Variants in USP34 observed in about 807,000 individuals in gnomAD.
USP34 encodes the protein ubiquitin specific peptidase 34.
In USP34, 70 loss-of-function variants were observed where a neutral mutation model predicts 460.3. The observed-to-expected ratio is 0.15, with a 90% CI of 0.13 to 0.19. The LOEUF (loss-of-function observed/expected upper bound fraction) is 0.19. Ranked by LOEUF, USP34 falls within the 10% of genes least tolerant of loss-of-function variation. The pLI, the probability that USP34 is intolerant of heterozygous loss-of-function variation, is 1.00. For missense variants in USP34, 3,985 were observed against 4,236.2 expected (o/e 0.94, Z 1.65); for synonymous variants, 1,647 against 1,405.3 (o/e 1.17, Z -3.85).
chr2:61,446,020 G>C (rs1291274561), intron 1 of USP34, among the ~76,000 whole-genome samples: 1 of 150,370 alleles, frequency 6.7e-6, no homozygotes, highest in Non-Finnish European at 1.5e-5. Flanking sequence ...GGCTGAGGCA[G>C]GAGAATCACC....
intron 1 of USP34, among the ~76,000 whole-genome samples, chr2:61,430,298 G>A (rs1479785298): frequency 6.6e-6 from 1 of 151,748 alleles, no homozygotes; most frequent in African/African-American, 2.4e-5. Context: ...CAGCTACTCA[G>A]TAGGCTGAGG....
chr2:61,259,674 C>G (rs368135754), intron 44 of USP34, 37 bp downstream of exon 44: 108 of 1,594,886 alleles, frequency 6.8e-5, no homozygotes, highest in Non-Finnish European at 9.1e-5. Context: ...GCATGAGCCA[C>G]AGTGCCTGGC....
rs1415473895 is a variant in USP34, at chr2:61,395,201, C to T, written c.585G>A (p.Gly195=). The T allele has an allele frequency of 6.7e-7, 1 of 1,503,146 alleles. No individual in the cohort carries two copies. The highest frequency in any genetic ancestry group is 1.4e-5 in the African/African-American group (1 of 70,564). 93.1% of individuals were successfully genotyped at this position (1,503,146 alleles called of 1,614,324 possible). Residue 195 remains glycine (G), a synonymous_variant, in exon 4 of 80, where the codon GGG becomes GGA. Transcript: ENST00000398571. ...DISTQESNIL[G]AFCDMNDVEV... ...CACTTACATTCATATCACAGAATGC[C>T]CCTAATATGTTACTTTCTTGAGTTG...
At chr2:61,202,508 A>G (rs1274983568) in intron 75 of USP34, among the ~76,000 whole-genome samples, 1 of 152,150 alleles carries the variant, frequency 6.6e-6, no homozygotes, top group African/African-American at 2.4e-5. Context: ...ACCCAAAGGG[A>G]GCAGTTCTCT....
Position 61,470,705 on chromosome 2 carries a change from GCC to G in USP34, c.-15_-14del. ...AGTTCTCGCACATCGTTCGGCCGCC[GCC>G]CCCCCCCTCCCCCGCTTCGGATCAC... On this transcript the variant is annotated 5_prime_UTR_variant, in exon 1 of 80. Transcript: ENST00000398571. 5 of 1,534,030 alleles carry G rather than the reference GCC, an allele frequency of 3.3e-6. No homozygotes were observed. Among genetic ancestry groups the G allele is most frequent in the South Asian group, 1.2e-5 (1 of 86,608 alleles).
chr2:61,268,414 T>C (rs970729985), intron 41 of USP34, among the ~76,000 whole-genome samples: 3 of 143,290 alleles, frequency 2.1e-5, no homozygotes, highest in Non-Finnish European at 3.0e-5. Flanking sequence ...TTCTCACTCT[T>C]TGAGTTCATG....
At chr2:61,364,427 T>C (rs1039645299) in intron 10 of USP34, among the ~76,000 whole-genome samples, 1 of 152,200 alleles carries the variant, frequency 6.6e-6, no homozygotes, top group Admixed American at 6.5e-5. Context: ...TTAAGAGTTA[T>C]TATTTTATAG....
At chr2:61,391,681 A>G (rs1693352015) in intron 5 of USP34, among the ~76,000 whole-genome samples, 1 of 152,210 alleles carries the variant, frequency 6.6e-6, no homozygotes, top group Non-Finnish European at 1.5e-5. Context: ...AGGAATAGAC[A>G]TACAAAAATG....
At chr2:61,349,013 C>A in intron 13 of USP34, 127 bp from the exon 14 acceptor site, 1 of 1,160,722 alleles carries the variant, frequency 8.6e-7, no homozygotes, top group Non-Finnish European at 1.2e-6. Context: ...AAAATAAAAT[C>A]TCTAAATATG....
At chr2:61,450,272 C>G (rs1695233934) in intron 1 of USP34, among the ~76,000 whole-genome samples, 1 of 152,060 alleles carries the variant, frequency 6.6e-6, no homozygotes, top group Non-Finnish European at 1.5e-5. Flanking sequence ...TTGCTTCGTG[C>G]TACTGAAATG....
intron 10 of USP34, among the ~76,000 whole-genome samples, chr2:61,369,440 C>G (rs948415950): frequency 1.3e-5 from 2 of 151,818 alleles, no homozygotes; most frequent in African/African-American, 4.8e-5. Context: ...GTCAGGAGTT[C>G]GAGACCAGCC....
chr2:61,245,590 T>C (rs1052319379), intron 50 of USP34, among the ~76,000 whole-genome samples: 4 of 151,602 alleles, frequency 2.6e-5, no homozygotes, highest in African/African-American at 9.7e-5. Context: ...AATTAAGAGA[T>C]TGGGAGAACT....
At chr2:61,251,831 A>G (rs1040887477) in intron 48 of USP34, among the ~76,000 whole-genome samples, 1 of 152,110 alleles carries the variant, frequency 6.6e-6, no homozygotes, top group Non-Finnish European at 1.5e-5. Context: ...ACTGTTCCCC[A>G]TTTGGACATT....
chr2:61,188,737 C>G, intron 79 of USP34, 28 bp from the exon 80 acceptor site: 2 of 1,601,088 alleles, frequency 1.2e-6, no homozygotes, highest in Non-Finnish European at 1.7e-6. Flanking sequence ...AAAAGGGAAA[C>G]TTCTCTGAAA....
At chr2:61,190,985 A>G (rs1686622859) in intron 76 of USP34, 1 of 194,658 alleles carries the variant, frequency 5.1e-6, no homozygotes, top group African/African-American at 2.3e-5. Context: ...AAGGCTAACA[A>G]AGAATAGGAT....
In USP34 at chr2:61,229,578, T is replaced by C; in HGVS notation, c.7169A>G (p.His2390Arg). ...TTCCATTCCTGGCTGCAAATAGAGATGAGCATGCACAGGTCTCAGCCTCTG... is the reference window on the plus strand; with the variant it reads ...TTCCATTCCTGGCTGCAAATAGAGACGAGCATGCACAGGTCTCAGCCTCTG... ...VIQRLRPVHA[H>R]LYLQPGMEDG... The change falls in exon 59 of 80, where the codon CAT becomes CGT. Residue 2390 changes from histidine to arginine, a missense_variant. His to Arg is a conservative substitution (Grantham distance 29, BLOSUM62 0). Transcript: ENST00000398571. 1 of 1,609,728 alleles carries C rather than the reference T, an allele frequency of 6.2e-7. No individual in the cohort carries two copies.
At chr2:61,372,753 G>A (rs72813572) in intron 8 of USP34, among the ~76,000 whole-genome samples, 24,224 of 152,138 alleles carry the variant, frequency 0.16, 2,281 homozygotes, top group South Asian at 0.36. Context: ...TAATAATGAT[G>A]CAACTATAAA....
intron 27 of USP34, among the ~76,000 whole-genome samples, chr2:61,305,844 A>C (rs1474446358): frequency 6.6e-6 from 1 of 152,196 alleles, no homozygotes; most frequent in Admixed American, 6.5e-5. Context: ...CAGGTCACAA[A>C]CTTTGCAAGC....
chr2:61,411,311 G>C (rs1441778123), intron 2 of USP34, among the ~76,000 whole-genome samples: 2 of 151,224 alleles, frequency 1.3e-5, no homozygotes, highest in Admixed American at 1.3e-4. Context: ...GACTCTAGGA[G>C]GTCAAGGTTG....
Sources: allele counts gnomAD v4.1 joint callset (sites outside exome capture counted in the v4.1 genomes callset), GRCh38; gene constraint gnomAD v4.1.1; transcripts MANE v1.5; gene names NCBI Gene and HGNC (gene_info 2026-07-23, HGNC 2026-07-21).